The following ZNF716 variants were observed in gnomAD, a reference collection of about 807,000 sequenced individuals.
ZNF716 encodes the protein zinc finger protein 716.
Under a neutral mutation model 13.4 loss-of-function variants are expected in ZNF716, and 9 were observed. That is an observed-to-expected ratio of 0.67 (90% CI 0.41 to 1.18). The LOEUF is 1.18. Ranked by LOEUF, ZNF716 falls within the 50% of genes most tolerant of loss-of-function variation. The probability of loss-of-function intolerance (pLI) is 0.01; values close to 1 mark genes in which losing one functional copy is unlikely to be tolerated. For synonymous variants in ZNF716, 186 were observed against 195.2 expected (o/e 0.95, Z 0.39); for missense variants, 581 against 576.6 (o/e 1.01, Z -0.08).
At chr7:57,461,115 A>G (rs572846475) in intron 1 of ZNF716, among the ~76,000 whole-genome samples, 6 of 129,072 alleles carry the variant, frequency 4.6e-5, no homozygotes, top group African/African-American at 1.4e-4. Flanking sequence ...GCTAAAAAAA[A>G]AAAAATACAA....
At chr7:57,468,002 A>T (rs1385823259) in intron 3 of ZNF716, among the ~76,000 whole-genome samples, 7 of 152,114 alleles carry the variant, frequency 4.6e-5, no homozygotes, top group Non-Finnish European at 1.0e-4. Context: ...AGATTTAGAC[A>T]TTAATGGAAA....
Position 57,462,422 on chromosome 7 carries a change from A to C in ZNF716, c.40-38A>C, listed in dbSNP as rs781969737. 2.2e-5 allele frequency: 35 copies of C among 1,600,330 alleles called. No individual in the cohort carries two copies. In the African/African-American group the frequency reaches 4.2e-4, roughly 19 times the overall value. On this transcript the variant is annotated intron_variant, in intron 1 of 3. Coordinates refer to ENST00000420713, the MANE Select transcript of ZNF716 (RefSeq NM_001159279.1). ...CAACATGGTAACTGTTTGTGTGTTC[A>C]TGAGTGTTTTTTTTGTTTGTTTATT...
chr7:57,458,714 C>T (rs1329476907), intron 1 of ZNF716, among the ~76,000 whole-genome samples: 1 of 152,182 alleles, frequency 6.6e-6, no homozygotes, highest in Non-Finnish European at 1.5e-5. Context: ...AGCCACTGTG[C>T]CCGGCCCATT....
chr7:57,460,241 A>G (rs1789682940), intron 1 of ZNF716, among the ~76,000 whole-genome samples: 1 of 151,942 alleles, frequency 6.6e-6, no homozygotes, highest in Non-Finnish European at 1.5e-5. Context: ...TTAAAAATAC[A>G]AAAATTAGCT....
Position 57,468,882 on chromosome 7 carries a change from G to A in ZNF716, c.421G>A (p.Gly141Ser). 2 of 1,613,454 alleles carry A rather than the reference G, an allele frequency of 1.2e-6. No homozygotes were observed. The highest frequency in any genetic ancestry group is 1.7e-6 in the Non-Finnish European group (2 of 1,179,754). Residue 141 changes from glycine to serine, a missense_variant, in exon 4 of 4, where the codon GGT becomes AGT. Physicochemically the swap from Gly to Ser is moderately conservative, Grantham distance 56. Coordinates refer to ENST00000420713, the MANE Select transcript of ZNF716 (RefSeq NM_001159279.1). ...AGGTGAGTGTGAGGTGCACAAAGGA[G>A]GTTATAATTATGTTAACCAATGTTT... is the stretch of plus-strand genomic sequence containing the variant. ...SVGECEVHKG[G>S]YNYVNQCLSA...
At chr7:57,460,573 A>G (rs1336403696) in intron 1 of ZNF716, among the ~76,000 whole-genome samples, 5 of 152,062 alleles carry the variant, frequency 3.3e-5, no homozygotes, top group African/African-American at 1.2e-4. Context: ...TCTGTATACC[A>G]TAGCCTTCTA....
chr7:57,452,927 G>A (rs550949190), intron 1 of ZNF716, among the ~76,000 whole-genome samples: 1 of 152,176 alleles, frequency 6.6e-6, no homozygotes, highest in South Asian at 2.1e-4. Flanking sequence ...ATAGCATGCG[G>A]TATGAAGTGT....
chr7:57,456,671 G>A (rs1789596183), intron 1 of ZNF716, among the ~76,000 whole-genome samples: 1 of 151,852 alleles, frequency 6.6e-6, no homozygotes, highest in Non-Finnish European at 1.5e-5. Flanking sequence ...AGAGGTGAAG[G>A]TTGCAGTGAG....
At chr7:57,451,767 TTTC>T (rs1435466517) in intron 1 of ZNF716, among the ~76,000 whole-genome samples, 3 of 132,712 alleles carry the variant, frequency 2.3e-5, no homozygotes, top group African/African-American at 2.8e-5. Context: ...CAACTCTTTC[TTTC>T]TTTTTTTTTT....
chr7:57,468,877 AAGG>A lies in ZNF716; in HGVS notation c.420_422del (p.Gly141del). On this transcript the variant is annotated inframe_deletion, in exon 4 of 4. Transcript: ENST00000420713. ...AGTGTAGGTGAGTGTGAGGTGCACA[AAGG>A]AGGTTATAATTATGTTAACCAATGT... is the stretch of plus-strand genomic sequence containing the variant. The A allele has an allele frequency of 1.2e-6, 2 of 1,613,648 alleles. No individual in the cohort carries two copies. Among genetic ancestry groups the A allele is most frequent in the Non-Finnish European group, 1.7e-6 (2 of 1,179,808 alleles).
chr7:57,465,875 C>T (rs561191418), intron 3 of ZNF716, among the ~76,000 whole-genome samples: 191 of 152,244 alleles, frequency 1.3e-3, no homozygotes, highest in African/African-American at 4.1e-3. Context: ...GAGTTCATGT[C>T]CTTTGTAGGG....
At position 57,470,980 on chromosome 7, in the gene ZNF716, G is replaced by A. The variant is rs2116429276; in HGVS notation, c.*1031G>A. ...GAAAACTCAGGCAAATATGAAAAAT[G>A]TGGCAAAACTTTTAACAAATTTTCC... On this transcript the variant is annotated 3_prime_UTR_variant, in exon 4 of 4. Coordinates refer to ENST00000420713, the MANE Select transcript of ZNF716 (RefSeq NM_001159279.1). The A allele has an allele frequency of 6.6e-6, 1 of 152,274 alleles. No homozygotes were observed. Among genetic ancestry groups the A allele is most frequent in the Non-Finnish European group, 1.5e-5 (1 of 68,024 alleles). The allele number at this position is 152,274 out of a possible 1,614,324, so 9.4% of individuals were successfully genotyped here.
At chr7:57,454,133 C>T (rs1789545137) in intron 1 of ZNF716, among the ~76,000 whole-genome samples, 1 of 152,094 alleles carries the variant, frequency 6.6e-6, no homozygotes. Flanking sequence ...GCTCCTGGCC[C>T]TGTTATCTTG....
chr7:57,468,646 A>G (rs1789855564), intron 3 of ZNF716, 78 bp from the exon 4 acceptor site: 1 of 1,414,924 alleles, frequency 7.1e-7, no homozygotes, highest in Admixed American at 2.6e-5. Context: ...ACTTTGTATA[A>G]TTTTATATAT....
At position 57,454,691 on chromosome 7, in the gene ZNF716, G is replaced by T. The variant is rs185832365; in HGVS notation, c.39+4364G>T. Among the ~76,000 whole-genome samples the T allele has an allele frequency of 3.3e-3, 502 of 152,232 alleles. 1 individual carries two copies. Among genetic ancestry groups the T allele is most frequent in the Non-Finnish European group, 5.4e-3 (367 of 68,014 alleles). The stretch of plus-strand genomic sequence containing the variant: ...TGTTTTGGGGCAGTTTCTGGACTTT[G>T]TAAAATAAAGCAAATTCAGATATTC... On this transcript the variant is annotated intron_variant, in intron 1 of 3. Transcript: ENST00000420713.
intron 1 of ZNF716, among the ~76,000 whole-genome samples, chr7:57,459,815 CAT>C (rs1789674884): frequency 1.3e-5 from 2 of 152,134 alleles, no homozygotes; most frequent in Non-Finnish European, 2.9e-5. Flanking sequence ...GAAAAAGAAA[CAT>C]ATTTTAATAG....
chr7:57,457,545 T>C (rs1206397900), intron 1 of ZNF716, among the ~76,000 whole-genome samples: 1 of 152,128 alleles, frequency 6.6e-6, no homozygotes, highest in East Asian at 1.9e-4. Flanking sequence ...GGTTTCACAA[T>C]GGTGGCCAGG....
chr7:57,466,355 A>T (rs572208791), intron 3 of ZNF716, among the ~76,000 whole-genome samples: 13 of 150,828 alleles, frequency 8.6e-5, no homozygotes, highest in Non-Finnish European at 1.5e-4. Context: ...TCCAAATCTC[A>T]TGTTGAAATG....
rs1441775004 is a variant in ZNF716 at position 57,463,086 on chromosome 7, T to C, written c.180T>C (p.Ser60=). The change falls in exon 3 of 4, where the codon TCT becomes TCC. Residue 60 remains serine, a synonymous_variant. Coordinates refer to ENST00000420713, the MANE Select transcript of ZNF716 (RefSeq NM_001159279.1). ...RNLVSLGIAV[S]KPDLITCLEQ... is the part of the protein sequence containing the mutation. The stretch of plus-strand genomic sequence containing the variant: ...TTAATAAAACAGGTATTGCTGTCTC[T>C]AAGCCAGACTTGATCACCTGTCTGG... The C allele has an allele frequency of 1.2e-6, 2 of 1,610,372 alleles. No homozygotes were observed. The highest frequency in any genetic ancestry group is 1.7e-6 in the Non-Finnish European group (2 of 1,179,916).
Sources: gnomAD v4.1 joint callset for allele counts (sites outside exome capture counted in the v4.1 genomes callset) on GRCh38, gnomAD v4.1.1 for gene constraint, MANE v1.5 for transcripts, NCBI Gene and HGNC (gene_info 2026-07-23, HGNC 2026-07-21) for gene names.